SGPL1: variants seen among roughly 807,000 people sequenced by gnomAD.
SGPL1 encodes SP-lyase 1.
A neutral mutation model predicts 68.9 loss-of-function variants in SGPL1; 37 were observed. That is an observed-to-expected ratio of 0.54 (90% CI 0.41 to 0.71). The LOEUF is 0.71. Among genes scored for constraint, SGPL1 ranks in the 30% least tolerant of loss-of-function variants. The pLI is 0.00. For synonymous variants in SGPL1, 236 were observed against 248.5 expected (o/e 0.95, Z 0.47); for missense variants, 551 against 704.6 (o/e 0.78, Z 2.47).
chr10:70,847,361 C>A (rs1332909612), intron 3 of SGPL1, among the ~76,000 whole-genome samples: 1 of 152,058 alleles, frequency 6.6e-6, no homozygotes, highest in African/African-American at 2.4e-5. Context: ...GTTGGCCAGG[C>A]TGGTTTTGAA....
At chr10:70,876,226 G>T (rs773023849) in intron 13 of SGPL1, among the ~76,000 whole-genome samples, 2 of 152,198 alleles carry the variant, frequency 1.3e-5, no homozygotes, top group Non-Finnish European at 2.9e-5. Context: ...TAAGATAAAA[G>T]TGTCTCATTG....
chr10:70,857,471 T>C, intron 5 of SGPL1, 143 bp from the exon 6 acceptor site: 2 of 627,254 alleles, frequency 3.2e-6, no homozygotes, highest in South Asian at 1.7e-5. Context: ...TTTTTCTTGA[T>C]TTGCTATAAG....
intron 2 of SGPL1, among the ~76,000 whole-genome samples, chr10:70,829,553 C>A (rs780756000): frequency 1.2e-4 from 18 of 152,028 alleles, no homozygotes; most frequent in Non-Finnish European, 2.5e-4. Context: ...TCACAACAAC[C>A]CTGTGAGTGG....
intron 3 of SGPL1, 61 bp from the exon 4 acceptor site, chr10:70,851,082 T>C: frequency 7.8e-7 from 1 of 1,288,908 alleles, no homozygotes; most frequent in South Asian, 1.2e-5. Context: ...GAATGGTTGC[T>C]ATATGCCAGG....
chr10:70,864,082 T>G (rs1846133587), intron 7 of SGPL1, among the ~76,000 whole-genome samples: 1 of 151,474 alleles, frequency 6.6e-6, no homozygotes, highest in Non-Finnish European at 1.5e-5. Context: ...TTTTTTTTTT[T>G]TGATGTTTTA....
At chr10:70,832,819 A>G (rs1042506568) in intron 2 of SGPL1, among the ~76,000 whole-genome samples, 2 of 152,134 alleles carry the variant, frequency 1.3e-5, no homozygotes, top group African/African-American at 2.4e-5. Context: ...CTATTTTCCT[A>G]CAAAACTGGT....
intron 2 of SGPL1, among the ~76,000 whole-genome samples, chr10:70,830,160 G>A (rs1445961974): frequency 2.0e-5 from 3 of 152,128 alleles, no homozygotes; most frequent in Non-Finnish European, 4.4e-5. Context: ...TGGTTTCTTA[G>A]CTGAAGGGAC....
At chr10:70,863,289 CTTTTTT>C (rs35676112) in intron 7 of SGPL1, among the ~76,000 whole-genome samples, 16 of 118,794 alleles carry the variant, frequency 1.3e-4, no homozygotes, top group African/African-American at 4.0e-4. Context: ...GCTTGGCCGT[CTTTTTT>C]TTTTTTTTTT....
chr10:70,844,545 T>C lies in SGPL1; in HGVS notation c.100T>C (p.Cys34Arg). 1 of 1,614,154 alleles carries C rather than the reference T, an allele frequency of 6.2e-7. No individual in the cohort carries two copies. The highest frequency in any genetic ancestry group is 8.5e-7 in the Non-Finnish European group (1 of 1,179,982). Residue 34 changes from cysteine (C) to arginine (R), a missense_variant, in exon 3 of 15, where the codon TGC becomes CGC. Coordinates refer to ENST00000373202, the MANE Select transcript of SGPL1 (RefSeq NM_003901.4). ...AGCCAAGAATTATGTAAATGGACAT[T>C]GCACCAAGTATGAGCCCTGGCAGCT... ...TKAKNYVNGH[C>R]TKYEPWQLIA...
chr10:70,819,672 C>T (rs889278548), intron 2 of SGPL1, among the ~76,000 whole-genome samples: 28 of 148,434 alleles, frequency 1.9e-4, no homozygotes, highest in Admixed American at 3.4e-4. Context: ...ACTCTGATGC[C>T]CAGGCTGGAG....
chr10:70,828,962 A>G (rs1251137000), intron 2 of SGPL1, among the ~76,000 whole-genome samples: 1 of 152,158 alleles, frequency 6.6e-6, no homozygotes, highest in African/African-American at 2.4e-5. Flanking sequence ...TGCCTTTCAG[A>G]AGTGTCCTGA....
chr10:70,837,023 T>TA (rs2131872138), intron 2 of SGPL1, among the ~76,000 whole-genome samples: 1 of 151,862 alleles, frequency 6.6e-6, no homozygotes, highest in South Asian at 2.1e-4. Flanking sequence ...ATTTAAAAGA[T>TA]AAAATTATTT....
At chr10:70,850,085 T>C (rs1474781647) in intron 3 of SGPL1, among the ~76,000 whole-genome samples, 6 of 152,224 alleles carry the variant, frequency 3.9e-5, no homozygotes, top group African/African-American at 1.4e-4. Context: ...TTAGATGCCA[T>C]GTATTTATGA....
chr10:70,871,867 G>A lies in SGPL1; in HGVS notation c.940G>A (p.Val314Ile). Residue 314 changes from valine to isoleucine, a missense_variant, in exon 11 of 15, where the codon GTC (valine) becomes ATC (isoleucine). By Grantham distance (29) the Val-to-Ile change is conservative (BLOSUM62 3). Transcript: ENST00000373202. Reference protein sequence around the residue: ...LAVKYKIPLHVDACLGGFLIV... With the variant: ...LAVKYKIPLHIDACLGGFLIV... ...TGTCAAATACAAAATACCCCTTCAT[G>A]TCGACGCTTGTCTGGGAGGCTTCCT... The A allele has an allele frequency of 6.2e-7, 1 of 1,613,980 alleles. No homozygotes were observed. The highest frequency in any genetic ancestry group is 2.2e-5 in the East Asian group (1 of 44,866).
rs543011211 is a variant in SGPL1 at position 70,823,787 on chromosome 10, T to C, written c.27+6907T>C. Among the ~76,000 whole-genome samples, 4 of 151,866 alleles carry C rather than the reference T, an allele frequency of 2.6e-5. No homozygotes were observed. In the South Asian group the frequency reaches 8.3e-4, roughly 32 times the overall value. On this transcript the variant is annotated intron_variant, in intron 2 of 14. Coordinates refer to ENST00000373202, the MANE Select transcript of SGPL1 (RefSeq NM_003901.4). Reference sequence around the variant, plus strand: ...CAGGAAATACTGAAAGCAGCAAGATTCTTCTTTTTCCTTTTTCTTTTAATA... The same window carrying C: ...CAGGAAATACTGAAAGCAGCAAGATCCTTCTTTTTCCTTTTTCTTTTAATA...
chr10:70,847,049 A>G (rs1298616940), intron 3 of SGPL1, among the ~76,000 whole-genome samples: 1 of 152,126 alleles, frequency 6.6e-6, no homozygotes, highest in African/African-American at 2.4e-5. Context: ...TGAGAGGCCA[A>G]TTTTCCATGA....
rs1464882014 is a variant in SGPL1 at position 70,875,020 on chromosome 10, T to C, written c.1299-382T>C. Among the ~76,000 whole-genome samples, 4 of 152,262 alleles carry C rather than the reference T, an allele frequency of 2.6e-5. No homozygotes were observed. In the East Asian group the frequency reaches 7.7e-4, roughly 29 times the overall value. On this transcript the variant is annotated intron_variant, in intron 12 of 14. Coordinates refer to ENST00000373202, the MANE Select transcript of SGPL1 (RefSeq NM_003901.4). Reference sequence around the variant, plus strand: ...ACCATTTCTTGCTTTAGGGATTACATATGACTTTTTAGAACTGTGGAGATG... The same window carrying C: ...ACCATTTCTTGCTTTAGGGATTACACATGACTTTTTAGAACTGTGGAGATG...
intron 7 of SGPL1, among the ~76,000 whole-genome samples, chr10:70,863,743 T>C (rs1846126461): frequency 6.6e-6 from 1 of 152,198 alleles, no homozygotes; most frequent in South Asian, 2.1e-4. Context: ...TCTTGAAAGA[T>C]TGCTATTTTT....
In SGPL1 at chr10:70,871,065, C is replaced by T; in HGVS notation, c.828C>T (p.Ile276=). The T allele has an allele frequency of 6.2e-7, 1 of 1,613,678 alleles. No homozygotes were observed. Among genetic ancestry groups the T allele is most frequent in the Non-Finnish European group, 8.5e-7 (1 of 1,179,572 alleles). Reference sequence around the variant, plus strand: ...ATCCCTAGGCAATGAGAAGAGCTATCTCCAGGAACACTGCCATGCTCGTCT... The same window carrying T: ...ATCCCTAGGCAATGAGAAGAGCTATTTCCAGGAACACTGCCATGCTCGTCT... ...EVDVRAMRRA[I]SRNTAMLVCS... The change falls in exon 10 of 15, where the codon ATC becomes ATT. Residue 276 remains isoleucine (I), a synonymous_variant. Coordinates refer to ENST00000373202, the MANE Select transcript of SGPL1 (RefSeq NM_003901.4).
Sources: allele counts gnomAD v4.1 joint callset (sites outside exome capture counted in the v4.1 genomes callset), GRCh38; gene constraint gnomAD v4.1.1; transcripts MANE v1.5; gene names NCBI Gene and HGNC (gene_info 2026-07-23, HGNC 2026-07-21).